ZBTB7C: variants seen among roughly 807,000 people sequenced by gnomAD.
The protein encoded by ZBTB7C is zinc finger and BTB domain containing 7C, also known as zinc finger and BTB domain-containing protein 7C.
A neutral mutation model predicts 25.7 loss-of-function variants in ZBTB7C; 8 were observed. The observed-to-expected ratio is 0.31, with a 90% CI of 0.18 to 0.56. The LOEUF (loss-of-function observed/expected upper bound fraction) is 0.56. ZBTB7C is among the 20% of genes least tolerant of loss of function. The pLI, the probability that ZBTB7C is intolerant of heterozygous loss-of-function variation, is 0.91. For missense variants in ZBTB7C, 824 were observed against 855.2 expected, an observed-to-expected ratio of 0.96 and a Z score of 0.46; for synonymous variants, 394 against 369.0, an observed-to-expected ratio of 1.07 and a Z score of -0.78.
intron 3 of ZBTB7C, among the ~76,000 whole-genome samples, chr18:48,061,599 T>C (rs925115902): frequency 6.6e-6 from 1 of 152,174 alleles, no homozygotes; most frequent in Non-Finnish European, 1.5e-5. Context: ...GCAGACGGGA[T>C]TGGAATCGAT....
intron 3 of ZBTB7C, among the ~76,000 whole-genome samples, chr18:48,160,935 G>GTT (rs59824886): frequency 0.16 from 21,440 of 136,638 alleles, 1,868 homozygotes; most frequent in South Asian, 0.23. Context: ...TTTGAGACAA[G>GTT]TTTTTTTTTT....
intron 2 of ZBTB7C, among the ~76,000 whole-genome samples, chr18:48,226,049 C>T (rs1372068462): frequency 6.6e-6 from 1 of 152,174 alleles, no homozygotes; most frequent in Non-Finnish European, 1.5e-5. Flanking sequence ...CCTGAGGAAA[C>T]ACTTCCTTAA....
At chr18:48,282,491 G>A (rs1235508316) in intron 2 of ZBTB7C, among the ~76,000 whole-genome samples, 1 of 151,996 alleles carries the variant, frequency 6.6e-6, no homozygotes, top group Non-Finnish European at 1.5e-5. Flanking sequence ...GTTATGACCT[G>A]GCAATTCCAG....
At chr18:48,411,919 C>T (rs1254464407), upstream of ZBTB7C, among the ~76,000 whole-genome samples, 1 of 152,200 alleles carries the variant, frequency 6.6e-6, no homozygotes, top group Non-Finnish European at 1.5e-5. Flanking sequence ...TTATTTGCAA[C>T]GTACTAGTTT....
At chr18:48,127,657 GC>G (rs1176994048) in intron 3 of ZBTB7C, among the ~76,000 whole-genome samples, 6 of 152,224 alleles carry the variant, frequency 3.9e-5, no homozygotes, top group Non-Finnish European at 8.8e-5. Context: ...CCCACGTGAG[GC>G]TCACTCGACC....
At chr18:48,061,350 G>T (rs1273526724) in intron 3 of ZBTB7C, among the ~76,000 whole-genome samples, 1 of 152,202 alleles carries the variant, frequency 6.6e-6, no homozygotes, top group African/African-American at 2.4e-5. Flanking sequence ...GCACTGAGGG[G>T]CCACCCACCT....
In ZBTB7C at chr18:48,210,193, ATTG is replaced by A. The variant is rs151238017; in HGVS notation, c.-78-24201_-78-24199del. 5.7e-3 allele frequency among the ~76,000 whole-genome samples: 863 copies of A among 152,328 alleles called. 2 individuals carry two copies. The highest frequency in any genetic ancestry group is 0.019 in the African/African-American group (807 of 41,576). ...CAAGTGTGGGCAAGGATGTGGAGAAATTGTAGCTTTCACACACTGCTGGTAGGA... is the reference window on the plus strand; with the variant it reads ...CAAGTGTGGGCAAGGATGTGGAGAAATAGCTTTCACACACTGCTGGTAGGA... On this transcript the variant is annotated intron_variant, in intron 2 of 4. Coordinates refer to ENST00000590800, the MANE Select transcript of ZBTB7C (RefSeq NM_001318841.2).
chr18:48,057,858 T>A (rs1203030990), intron 3 of ZBTB7C, among the ~76,000 whole-genome samples: 1 of 152,218 alleles, frequency 6.6e-6, no homozygotes, highest in Non-Finnish European at 1.5e-5. Flanking sequence ...GAAAACAGGC[T>A]CTGGCTGCCA....
rs904002144 is a variant in ZBTB7C at position 48,332,878 on chromosome 18, G to A, written c.-79+5296C>T. ...TCAAGGAGAGCAACAACACATAGTCGAACATGATAAATATGCATCCCAAAT... is the reference window on the plus strand; with the variant it reads ...TCAAGGAGAGCAACAACACATAGTCAAACATGATAAATATGCATCCCAAAT... On this transcript the variant is annotated intron_variant, in intron 2 of 4. Transcript: ENST00000590800. 3.3e-5 allele frequency among the ~76,000 whole-genome samples: 5 copies of A among 151,658 alleles called. No homozygotes were observed. In the South Asian group the frequency reaches 6.2e-4, roughly 19 times the overall value.
At chr18:48,034,837 G>A (rs1025093453) in intron 4 of ZBTB7C, among the ~76,000 whole-genome samples, 5 of 152,148 alleles carry the variant, frequency 3.3e-5, no homozygotes, top group Admixed American at 1.3e-4. Context: ...AGAGCTCATC[G>A]TCGGGAAAGT....
In ZBTB7C at chr18:48,044,125, A is replaced by G. The variant is rs1219213095; in HGVS notation, c.-16-3002T>C. Among the ~76,000 whole-genome samples, 5 of 152,290 alleles carry G rather than the reference A, an allele frequency of 3.3e-5. No individual in the cohort carries two copies. In the East Asian group the frequency reaches 9.6e-4, roughly 29 times the overall value. ...GGTTCTGTTCTGAGTGGCCCCGTTG[A>G]ACATGGTTCTTGTCTATTGACAAAC... On this transcript the variant is annotated intron_variant, in intron 3 of 4. Transcript: ENST00000590800.
chr18:48,160,799 T>C (rs989395957), intron 3 of ZBTB7C, among the ~76,000 whole-genome samples: 1 of 152,010 alleles, frequency 6.6e-6, no homozygotes, highest in Non-Finnish European at 1.5e-5. Flanking sequence ...GAGAGGGCAG[T>C]GGCAGTCTGA....
chr18:48,066,889 T>G (rs1392604866), intron 3 of ZBTB7C, among the ~76,000 whole-genome samples: 1 of 152,008 alleles, frequency 6.6e-6, no homozygotes, highest in Non-Finnish European at 1.5e-5. Context: ...ATTGCCTGAG[T>G]TCAGGAGTTT....
At chr18:48,347,891 G>A (rs564467215) in intron 1 of ZBTB7C, among the ~76,000 whole-genome samples, 48 of 152,316 alleles carry the variant, frequency 3.2e-4, no homozygotes, top group African/African-American at 1.1e-3. Context: ...GGTGGGAAAT[G>A]GTTTGCAAGA....
intron 3 of ZBTB7C, among the ~76,000 whole-genome samples, chr18:48,114,894 C>T (rs2039375724): frequency 6.6e-6 from 1 of 152,082 alleles, no homozygotes; most frequent in Non-Finnish European, 1.5e-5. Flanking sequence ...CAATTTTTTT[C>T]CGTTTTTTAT....
Position 48,321,015 on chromosome 18 carries a change from T to C in ZBTB7C, c.-79+17159A>G, listed in dbSNP as rs921739276. On this transcript the variant is annotated intron_variant, in intron 2 of 4. Transcript: ENST00000590800. ...AGAGCCCAGGAAGGTTTAGGTTTTA[T>C]GTCAGTGGTTCTCTACCTTAGCTGC... Among the ~76,000 whole-genome samples, 66 of 152,386 alleles carry C rather than the reference T, an allele frequency of 4.3e-4. 1 individual carries two copies. Among genetic ancestry groups the C allele is most frequent in the African/African-American group, 1.4e-3 (60 of 41,602 alleles).
At chr18:48,180,548 C>G (rs568435328) in intron 3 of ZBTB7C, 21 of 358,572 alleles carry the variant, frequency 5.9e-5, no homozygotes, top group South Asian at 4.4e-4. Flanking sequence ...CTGGGGAAGT[C>G]TTGGCAGACA....
At chr18:48,383,665 T>G (rs2047682095) in intron 1 of ZBTB7C, among the ~76,000 whole-genome samples, 1 of 152,154 alleles carries the variant, frequency 6.6e-6, no homozygotes, top group Admixed American at 6.5e-5. Context: ...TGCCTAAAAT[T>G]AAATATTTAA....
chr18:48,124,220 G>A (rs192437974), intron 3 of ZBTB7C, among the ~76,000 whole-genome samples: 89 of 152,300 alleles, frequency 5.8e-4, no homozygotes, highest in African/African-American at 2.1e-3. Context: ...AACAAAGCCC[G>A]CAGTCTGTCT....
Sources: gnomAD v4.1 joint callset for allele counts (sites outside exome capture counted in the v4.1 genomes callset) on GRCh38, gnomAD v4.1.1 for gene constraint, MANE v1.5 for transcripts, NCBI Gene and HGNC (gene_info 2026-07-23, HGNC 2026-07-21) for gene names.